The following SF3B1 variants were observed in gnomAD, a reference collection of about 807,000 sequenced individuals.
SF3B1 encodes splicing factor 3b subunit 1, also known as pre-mRNA processing 10.
SF3B1 carries 12 observed loss-of-function variants against 153.8 expected under a neutral mutation model. The observed-to-expected ratio is 0.08, with a 90% CI of 0.05 to 0.13. SF3B1 has a LOEUF of 0.13. Ranked by LOEUF, SF3B1 falls within the 10% of genes least tolerant of loss-of-function variation. The pLI, the probability that SF3B1 is intolerant of heterozygous loss-of-function variation, is 1.00. For synonymous variants in SF3B1, 498 were observed against 525.2 expected, an observed-to-expected ratio of 0.95 and a Z score of 0.71; for missense variants, 513 against 1,606.1, an observed-to-expected ratio of 0.32 and a Z score of 11.63.
chr2:197,405,374 C>G lies in SF3B1; in HGVS notation c.1338G>C (p.Met446Ile), dbSNP rs781701010. 5.0e-6 allele frequency: 8 copies of G among 1,614,002 alleles called. No homozygotes were observed. The highest frequency in any genetic ancestry group is 6.8e-6 in the Non-Finnish European group (8 of 1,179,956). ...TTTTCATAGTTCGATCTTCAGTTTG[C>G]ATGTGGAAACCAGTCATACCACCCA... ...TPLGGMTGFH[M>I]QTEDRTMKSV... is the part of the protein sequence containing the mutation. The change falls in exon 10 of 25, where the codon ATG (methionine) becomes ATC (isoleucine). Residue 446 changes from methionine (M) to isoleucine (I), a missense_variant. Met to Ile is a conservative substitution (Grantham distance 10, BLOSUM62 1). Coordinates refer to ENST00000335508, the MANE Select transcript of SF3B1 (RefSeq NM_012433.4).
chr2:197,400,012 G>A lies in SF3B1; in HGVS notation c.3013+43C>T. 2 of 1,301,490 alleles carry A rather than the reference G, an allele frequency of 1.5e-6. No individual in the cohort carries two copies. Among genetic ancestry groups the A allele is most frequent in the South Asian group, 2.6e-5 (2 of 76,702 alleles). 80.6% of individuals were successfully genotyped at this position (1,301,490 alleles called of 1,614,324 possible). ...TTACGAAAAAAAAAAGAAAAAGAAA[G>A]TTAAAACAAGAAAAAGTCTTATGTA... On this transcript the variant is annotated intron_variant, in intron 20 of 24. Transcript: ENST00000335508. This position sits in a 1 kb window ranked among gnomAD's most constrained non-coding sequence, Gnocchi z 5.0.
At chr2:197,419,493 T>C (rs1283221790) in intron 4 of SF3B1, 2 of 219,450 alleles carry the variant, frequency 9.1e-6, no homozygotes, top group African/African-American at 4.5e-5. Context: ...ACATTTCCTA[T>C]GCTGAAGATC....
chr2:197,423,863 C>T lies in SF3B1; in HGVS notation c.140G>A (p.Ser47Asn). The T allele has an allele frequency of 1.2e-6, 2 of 1,613,806 alleles. No homozygotes were observed. The highest frequency in any genetic ancestry group is 2.2e-5 in the South Asian group (2 of 90,924). The change falls in exon 2 of 25, where the codon AGT becomes AAT. Residue 47 changes from serine (S) to asparagine (N), a missense_variant. Ser to Asn is a conservative substitution (Grantham distance 46). Transcript: ENST00000335508. ...CACGTATCCAGCAAATCTGCTGTCA[C>T]TTCCACCATAAATTTCCTGGTCATA... ...GYYDQEIYGG[S>N]DSRFAGYVTS...
At chr2:197,420,018 G>A (rs907707096) in intron 4 of SF3B1, 2 of 235,148 alleles carry the variant, frequency 8.5e-6, no homozygotes, top group Non-Finnish European at 8.3e-6. Flanking sequence ...AGAGCACTAT[G>A]GGGGGAGCTC....
intron 24 of SF3B1, 111 bp from the exon 25 acceptor site, chr2:197,392,572 G>GGA (rs200488792): frequency 1.2e-5 from 4 of 345,486 alleles, no homozygotes; most frequent in Non-Finnish European, 2.1e-5. Flanking sequence ...TGGGGAGTTG[G>GGA]GGGGGGGGGA....
intron 20 of SF3B1, 161 bp from the exon 21 acceptor site, chr2:197,398,742 T>G: frequency 1.6e-6 from 1 of 641,536 alleles, no homozygotes; most frequent in Non-Finnish European, 2.6e-6. Flanking sequence ...GAATCGTTTT[T>G]AACTTTTATT....
chr2:197,425,887 C>A (rs956219782), intron 1 of SF3B1, among the ~76,000 whole-genome samples: 11 of 151,950 alleles, frequency 7.2e-5, no homozygotes, highest in Admixed American at 2.0e-4. Context: ...AGTCCCCTGC[C>A]ACTTAGGGGG....
At chr2:197,427,769 C>T (rs2085357511) in intron 1 of SF3B1, among the ~76,000 whole-genome samples, 1 of 152,032 alleles carries the variant, frequency 6.6e-6, no homozygotes, top group Non-Finnish European at 1.5e-5. Context: ...GCCTGTAATC[C>T]CAGCACTTTG....
At chr2:197,434,410 T>A (rs1476999835) in intron 1 of SF3B1, among the ~76,000 whole-genome samples, 4 of 152,162 alleles carry the variant, frequency 2.6e-5, no homozygotes, top group Non-Finnish European at 5.9e-5. Context: ...AATATTATAC[T>A]AAAAGTGACT....
In SF3B1 at chr2:197,392,996, A is replaced by G; in HGVS notation, c.3732T>C (p.Cys1244=). 1 of 1,610,480 alleles carries G rather than the reference A, an allele frequency of 6.2e-7. No homozygotes were observed. Among genetic ancestry groups the G allele is most frequent in the Non-Finnish European group, 8.5e-7 (1 of 1,176,746 alleles). Residue 1244 remains cysteine (C), a synonymous_variant, in exon 24 of 25, where the codon TGT becomes TGC. Transcript: ENST00000335508. ...CCTGTAAACAATATTGCAACATTCT[A>G]CATGGTCCAATAGCAACTCTCAGGC... is the stretch of plus-strand genomic sequence containing the variant. ...LEGLRVAIGP[C]RMLQYCLQGL... is the part of the protein sequence containing the mutation.
At chr2:197,423,690 C>T in intron 2 of SF3B1, 118 bp downstream of exon 2, 1 of 929,424 alleles carries the variant, frequency 1.1e-6, no homozygotes, top group East Asian at 2.6e-5. Flanking sequence ...TAGTTTTATC[C>T]TCTAAAAGAT....
At chr2:197,406,637 C>T (rs970986358) in intron 9 of SF3B1, among the ~76,000 whole-genome samples, 11 of 152,164 alleles carry the variant, frequency 7.2e-5, no homozygotes, top group East Asian at 1.9e-4. Context: ...TCAATGACTA[C>T]GACTGAGAAA....
chr2:197,420,039 AAC>A lies in SF3B1; in HGVS notation c.415+387_415+388del, dbSNP rs572986706. 7.7e-4 allele frequency: 187 copies of A among 244,226 alleles called. 1 individual carries two copies. The highest frequency in any genetic ancestry group is 1.5e-3 in the South Asian group (10 of 6,694). The allele number at this position is 244,226 out of a possible 1,614,324, so 15.1% of individuals were successfully genotyped here. A position where few individuals can be genotyped will look rare whatever the true frequency, so the allele number is the denominator to read the frequency against. ...CTATGGGGGGAGCTCTAGTGTGAGAAACAGTTTCTCAAGGGTAACAATCCTAA... is the reference window on the plus strand; with the variant it reads ...CTATGGGGGGAGCTCTAGTGTGAGAAAGTTTCTCAAGGGTAACAATCCTAA... On this transcript the variant is annotated intron_variant, in intron 4 of 24. Coordinates refer to ENST00000335508, the MANE Select transcript of SF3B1 (RefSeq NM_012433.4).
At chr2:197,415,537 A>G (rs1245204152) in intron 6 of SF3B1, among the ~76,000 whole-genome samples, 1 of 152,164 alleles carries the variant, frequency 6.6e-6, no homozygotes, top group Non-Finnish European at 1.5e-5. Flanking sequence ...TACAAGCGTG[A>G]GCCACCGCAC....
intron 1 of SF3B1, among the ~76,000 whole-genome samples, chr2:197,424,247 C>T (rs1343385536): frequency 6.6e-6 from 1 of 152,090 alleles, no homozygotes. Context: ...GCCTATAATC[C>T]CAACACTTTG....
chr2:197,418,469 T>C (rs754981139), intron 5 of SF3B1, 40 bp downstream of exon 5: 6 of 1,459,868 alleles, frequency 4.1e-6, no homozygotes, highest in Non-Finnish European at 1.9e-6. Context: ...TGTATTTATA[T>C]TCTTTCACAA....
rs541013108 is a variant in SF3B1, at chr2:197,409,726, T to C, written c.904+44A>G. The C allele has an allele frequency of 8.1e-5, 114 of 1,411,584 alleles. 1 individual carries two copies. In the South Asian group the frequency reaches 1.2e-3, roughly 15 times the overall value. The allele number at this position is 1,411,584 out of a possible 1,614,324, so 87.4% of individuals were successfully genotyped here. ...GAACACATTTCAGTCTGTAAACATA[T>C]CACTCAACATTTCACCCACACACCC... On this transcript the variant is annotated intron_variant, in intron 7 of 24. Transcript: ENST00000335508.
intron 7 of SF3B1, among the ~76,000 whole-genome samples, chr2:197,409,400 CA>C (rs569635080): frequency 3.8e-4 from 53 of 139,654 alleles, no homozygotes; most frequent in Middle Eastern, 7.4e-3. Context: ...AACTCCATCT[CA>C]AAAAAAAAAA....
At chr2:197,415,542 C>T (rs2085135719) in intron 6 of SF3B1, among the ~76,000 whole-genome samples, 1 of 152,162 alleles carries the variant, frequency 6.6e-6, no homozygotes. Context: ...GCGTGAGCCA[C>T]CGCACCCAGC....
Sources: allele counts gnomAD v4.1 joint callset (sites outside exome capture counted in the v4.1 genomes callset), GRCh38; gene constraint gnomAD v4.1.1; non-coding constraint Gnocchi (gnomAD v3.1); transcripts MANE v1.5; gene names NCBI Gene and HGNC (gene_info 2026-07-23, HGNC 2026-07-21).